SLC4A1: variants seen among roughly 807,000 people sequenced by gnomAD.
SLC4A1 encodes the protein band 3 anion transport protein.
SLC4A1 carries 29 observed loss-of-function variants against 93.1 expected under a neutral mutation model. That is an observed-to-expected ratio of 0.31 (90% confidence interval 0.23 to 0.42). The LOEUF is 0.42. SLC4A1 is among the 20% of genes least tolerant of loss of function. The pLI is 1.00. For missense variants in SLC4A1, 965 were observed against 1,190.1 expected (o/e 0.81, Z 2.78); for synonymous variants, 469 against 497.2 (o/e 0.94, Z 0.76).
rs796542650 is a variant in SLC4A1, at chr17:44,251,740, GT to G, written c.2312-153del. On this transcript the variant is annotated intron_variant, in intron 17 of 19. Coordinates refer to ENST00000262418, the MANE Select transcript of SLC4A1 (RefSeq NM_000342.4). ...CTTTTCTTTTTTTTTTTTTTTTTTT[GT>G]TTTTTTTTTTGAGACAGGATCTCGC... 505 of 255,460 alleles carry G rather than the reference GT, an allele frequency of 2.0e-3. 1 individual carries two copies. Among genetic ancestry groups the G allele is most frequent in the East Asian group, 2.7e-3 (36 of 13,452 alleles). 15.8% of individuals were successfully genotyped at this position (255,460 alleles called of 1,614,324 possible).
chr17:44,262,042 C>A, intron 3 of SLC4A1: 1 of 1,173,620 alleles, frequency 8.5e-7, no homozygotes, highest in Non-Finnish European at 1.1e-6. Context: ...TCAATGAGCC[C>A]GTCAGCACAG....
intron 1 of SLC4A1, among the ~76,000 whole-genome samples, chr17:44,266,444 G>A (rs552871203): frequency 6.6e-6 from 1 of 152,242 alleles, no homozygotes; most frequent in South Asian, 2.1e-4. Flanking sequence ...TGGTCAGAGG[G>A]GCCCTCAGAG....
chr17:44,260,996 C>T (rs553339534), intron 4 of SLC4A1, among the ~76,000 whole-genome samples, 181 bp from the exon 5 acceptor site: 1 of 152,162 alleles, frequency 6.6e-6, no homozygotes, highest in Admixed American at 6.5e-5. Context: ...TACCCCATTG[C>T]AGAAGGCATT....
At position 44,257,999 on chromosome 17, in the gene SLC4A1, G is replaced by C; in HGVS notation, c.1269C>G (p.Phe423Leu). 1 of 1,614,148 alleles carries C rather than the reference G, an allele frequency of 6.2e-7. No individual in the cohort carries two copies. ...ATTGGCACTGACCCAGGAGGCCGCC[G>C]AAGGTGATGGCGGGTGACAGTGCAG... ...YFAALSPAIT[F>L]GGLLGEKTRN... is the part of the protein sequence containing the mutation. Residue 423 changes from phenylalanine to leucine, a missense_variant, in exon 11 of 20, where the codon TTC (phenylalanine) becomes TTG (leucine). Coordinates refer to ENST00000262418, the MANE Select transcript of SLC4A1 (RefSeq NM_000342.4).
chr17:44,257,789 T>C lies in SLC4A1; in HGVS notation c.1301A>G (p.Gln434Arg), dbSNP rs1598299792. The part of the protein sequence containing the change: ...GGLLGEKTRN[Q>R]MGVSELLIST... ...GATCAGCAGCTCCGACACTCCCATCTGGTTCCGGGTCTTTTCTCCTGTGGG... is the reference window on the plus strand; with the variant it reads ...GATCAGCAGCTCCGACACTCCCATCCGGTTCCGGGTCTTTTCTCCTGTGGG... The change falls in exon 12 of 20, where the codon CAG (glutamine) becomes CGG (arginine). Residue 434 changes from glutamine (Q) to arginine (R), a missense_variant. By Grantham distance (43) the Gln-to-Arg change is conservative. This residue lies in a region of SLC4A1 where 770 missense variants were observed against 1,006.6 expected (regional missense o/e 0.76). Transcript: ENST00000262418. 6.2e-7 allele frequency: 1 copy of C among 1,613,872 alleles called. No homozygotes were observed. Among genetic ancestry groups the C allele is most frequent in the African/African-American group, 1.3e-5 (1 of 75,026 alleles).
In SLC4A1 at chr17:44,255,265, G is replaced by A. The variant is rs759266589; in HGVS notation, c.1832C>T (p.Pro611Leu). Residue 611 changes from proline (P) to leucine (L), a missense_variant, in exon 15 of 20, where the codon CCC (proline) becomes CTC (leucine). By Grantham distance (98) the Pro-to-Leu change is moderately conservative (BLOSUM62 -3). Around this residue, in one of 2 missense-constraint regions of SLC4A1, gnomAD observed 770 missense variants for 1,006.6 expected, o/e 0.76. Coordinates refer to ENST00000262418, the MANE Select transcript of SLC4A1 (RefSeq NM_000342.4). ...LRRVIGDFGV[P>L]ISILIMVLVD... is the part of the protein sequence containing the mutation. ...CAGGACCATGATCAGGATGGAGATG[G>A]GGACCCCGAAGTCCCCGATGACCCG... 2 of 1,558,132 alleles carry A rather than the reference G, an allele frequency of 1.3e-6. No homozygotes were observed. The highest frequency in any genetic ancestry group is 2.4e-5 in the South Asian group (2 of 84,492).
Position 44,262,634 on chromosome 17 carries a change from A to G in SLC4A1, c.106+2T>C. The G allele has an allele frequency of 6.2e-7, 1 of 1,607,062 alleles. No individual in the cohort carries two copies. Among genetic ancestry groups the G allele is most frequent in the Non-Finnish European group, 8.5e-7 (1 of 1,175,980 alleles). On this transcript the variant is annotated splice_donor_variant, in intron 3 of 19. Coordinates refer to ENST00000262418, the MANE Select transcript of SLC4A1 (RefSeq NM_000342.4). LOFTEE classifies it high-confidence loss of function. ...CCAGCTGAGGGAGGGAGAGGGGCTC[A>G]CCTGCCGGCTCCTCCATCTGGGACT... is the stretch of plus-strand genomic sequence containing the variant.
intron 19 of SLC4A1, among the ~76,000 whole-genome samples, 166 bp from the exon 20 acceptor site, chr17:44,250,704 C>T (rs555435310): frequency 2.0e-5 from 3 of 152,284 alleles, no homozygotes; most frequent in African/African-American, 4.8e-5. Context: ...CTAAATGAGT[C>T]GTTGTCAAAG....
In SLC4A1 at chr17:44,250,030, A is replaced by G; in HGVS notation, c.*428T>C. The G allele has an allele frequency of 4.1e-6, 1 of 246,260 alleles. No homozygotes were observed. Among genetic ancestry groups the G allele is most frequent in the Non-Finnish European group, 8.1e-6 (1 of 122,916 alleles). 15.3% of individuals were successfully genotyped at this position (246,260 alleles called of 1,614,324 possible). A position where few individuals can be genotyped will look rare whatever the true frequency, so the allele number is the denominator to read the frequency against. On this transcript the variant is annotated 3_prime_UTR_variant, in exon 20 of 20. Transcript: ENST00000262418. ...CTGTAATGTGGGTATTATCATCAAT[A>G]TACCCATTTTACAGAAGAGGAAATA...
intron 17 of SLC4A1, 68 bp from the exon 18 acceptor site, chr17:44,251,656 CT>C: frequency 6.2e-6 from 9 of 1,450,794 alleles, no homozygotes; most frequent in Non-Finnish European, 9.6e-7. Flanking sequence ...GGTCAGGCCC[CT>C]ATCTGGGGCT....
rs1179419467 is a variant in SLC4A1 at position 44,255,307 on chromosome 17, G to T, written c.1801-11C>A. Reference sequence around the variant, plus strand: ...GATGACCCGACGCAGCTGGGGGCAGGTGAAAGGACCAGTGGTCAGTGCCCA... The same window carrying T: ...GATGACCCGACGCAGCTGGGGGCAGTTGAAAGGACCAGTGGTCAGTGCCCA... On this transcript the variant is annotated splice_polypyrimidine_tract_variant and intron_variant, in intron 14 of 19. Transcript: ENST00000262418. The T allele has an allele frequency of 1.3e-6, 2 of 1,550,602 alleles. No individual in the cohort carries two copies. Among genetic ancestry groups the T allele is most frequent in the African/African-American group, 1.4e-5 (1 of 73,362 alleles).
Position 44,249,335 on chromosome 17 carries a change from A to C in SLC4A1, c.*1123T>G. The C allele has an allele frequency of 2.9e-6, 1 of 342,068 alleles. No individual in the cohort carries two copies. Among genetic ancestry groups the C allele is most frequent in the Non-Finnish European group, 5.7e-6 (1 of 176,700 alleles). The allele number at this position is 342,068 out of a possible 1,614,324, so 21.2% of individuals were successfully genotyped here. A position where few individuals can be genotyped will look rare whatever the true frequency, so the allele number is the denominator to read the frequency against. On this transcript the variant is annotated 3_prime_UTR_variant, in exon 20 of 20. Coordinates refer to ENST00000262418, the MANE Select transcript of SLC4A1 (RefSeq NM_000342.4). ...CAGATCTGGGTTCTCCCCAAGATTC[A>C]GTTTAGATGGAGTTGAGGATAATGG...
intron 1 of SLC4A1, among the ~76,000 whole-genome samples, chr17:44,267,423 C>T (rs957396665): frequency 2.0e-5 from 3 of 152,278 alleles, no homozygotes; most frequent in African/African-American, 7.2e-5. Flanking sequence ...ATATAAGGAG[C>T]GCTATGAAAA....
rs2047509244 is a variant in SLC4A1 at position 44,268,130 on chromosome 17, C to T, written c.-145G>A. 3 of 985,384 alleles carry T rather than the reference C, an allele frequency of 3.0e-6. No individual in the cohort carries two copies. Among genetic ancestry groups the T allele is most frequent in the African/African-American group, 1.7e-5 (1 of 57,316 alleles). 61.0% of individuals were successfully genotyped at this position (985,384 alleles called of 1,614,324 possible). A position where few individuals can be genotyped will look rare whatever the true frequency, so the allele number is the denominator to read the frequency against. On this transcript the variant is annotated 5_prime_UTR_variant, in exon 1 of 20. Coordinates refer to ENST00000262418, the MANE Select transcript of SLC4A1 (RefSeq NM_000342.4). Reference sequence around the variant, plus strand: ...CTCTGCGACCAGCTACGTTCCCACTCGTTCTGACAGCACCAGCGCCCCAGG... The same window carrying T: ...CTCTGCGACCAGCTACGTTCCCACTTGTTCTGACAGCACCAGCGCCCCAGG...
intron 3 of SLC4A1, 72 bp downstream of exon 3, chr17:44,262,564 G>T: frequency 8.7e-7 from 1 of 1,143,938 alleles, no homozygotes; most frequent in Non-Finnish European, 1.3e-6. Context: ...GAAGGGGAGA[G>T]GACAAGTGCC....
chr17:44,263,711 T>TTCCTTCCTTCCC (rs1555597780), intron 1 of SLC4A1, among the ~76,000 whole-genome samples: 100 of 8,608 alleles, frequency 0.012, no homozygotes, highest in Non-Finnish European at 0.046. Flanking sequence ...CCTTCCCTCC[T>TTCCTTCCTTCCC]TCCTTCCTTC....
chr17:44,253,091 T>C, intron 17 of SLC4A1, 27 bp downstream of exon 17: 1 of 1,604,954 alleles, frequency 6.2e-7, no homozygotes, highest in Non-Finnish European at 8.5e-7. Context: ...AGGAGGATGG[T>C]GAAGACGCGA....
In SLC4A1 at chr17:44,250,385, A is replaced by C; in HGVS notation, c.*73T>G. 1 of 1,285,868 alleles carries C rather than the reference A, an allele frequency of 7.8e-7. No homozygotes were observed. The highest frequency in any genetic ancestry group is 1.1e-6 in the Non-Finnish European group (1 of 884,376). The allele number at this position is 1,285,868 out of a possible 1,614,324, so 79.7% of individuals were successfully genotyped here. On this transcript the variant is annotated 3_prime_UTR_variant, in exon 20 of 20. Coordinates refer to ENST00000262418, the MANE Select transcript of SLC4A1 (RefSeq NM_000342.4). Reference sequence around the variant, plus strand: ...GGATCCTGGAGTCCATGAGGTGCCCATGAACTTCTGCTTTTCCTTGGAAGG... The same window carrying C: ...GGATCCTGGAGTCCATGAGGTGCCCCTGAACTTCTGCTTTTCCTTGGAAGG...
At chr17:44,252,390 G>A (rs1193153759) in intron 17 of SLC4A1, among the ~76,000 whole-genome samples, 1 of 152,090 alleles carries the variant, frequency 6.6e-6, no homozygotes, top group Non-Finnish European at 1.5e-5. Context: ...CAGGCTCAGA[G>A]AGGTAAACAA....
Sources: allele counts gnomAD v4.1 joint callset (sites outside exome capture counted in the v4.1 genomes callset), GRCh38; gene constraint gnomAD v4.1.1; regional missense constraint gnomAD v4.1.1; transcripts MANE v1.5; gene names NCBI Gene and HGNC (gene_info 2026-07-23, HGNC 2026-07-21).